YY1: variants seen among roughly 807,000 people sequenced by gnomAD.
YY1 encodes the protein YY1 transcription factor.
YY1 carries 2 observed loss-of-function variants against 35.6 expected under a neutral mutation model. That is an observed-to-expected ratio of 0.06 (90% CI 0.02 to 0.18). The LOEUF is 0.18. Among genes scored for constraint, YY1 ranks in the 10% least tolerant of loss-of-function variants. The pLI is 1.00. For synonymous variants in YY1, 268 were observed against 238.9 expected, an observed-to-expected ratio of 1.12 and a Z score of -1.12; for missense variants, 322 against 573.4, an observed-to-expected ratio of 0.56 and a Z score of 4.48.
chr14:100,251,960 G>A (rs1240874548), intron 1 of YY1, among the ~76,000 whole-genome samples: 1 of 152,198 alleles, frequency 6.6e-6, no homozygotes, highest in African/African-American at 2.4e-5. Flanking sequence ...ACCAGGCGAG[G>A]TTAAGAGTAG....
intron 1 of YY1, among the ~76,000 whole-genome samples, chr14:100,243,117 C>T (rs1164914565): frequency 1.3e-5 from 2 of 152,182 alleles, no homozygotes; most frequent in African/African-American, 4.8e-5. Flanking sequence ...ATGGATAACT[C>T]TGCATTTCCC....
chr14:100,279,109 T>C lies in YY1; in HGVS notation c.*1509T>C, dbSNP rs1300911185. ...TCTGCTCAATGAGTACCTCTCACAT[T>C]GTAACCTCTTAAATGTACGATTATA... On this transcript the variant is annotated 3_prime_UTR_variant, in exon 5 of 5. Transcript: ENST00000262238. 2.0e-5 allele frequency: 3 copies of C among 152,232 alleles called. No homozygotes were observed. The highest frequency in any genetic ancestry group is 4.8e-5 in the African/African-American group (2 of 41,450). The allele number at this position is 152,232 out of a possible 1,614,324, so 9.4% of individuals were successfully genotyped here. A position where few individuals can be genotyped will look rare whatever the true frequency, so the allele number is the denominator to read the frequency against.
At chr14:100,249,228 C>A (rs931534499) in intron 1 of YY1, among the ~76,000 whole-genome samples, 1 of 146,594 alleles carries the variant, frequency 6.8e-6, no homozygotes, top group East Asian at 2.1e-4. Flanking sequence ...TCAAGCGATT[C>A]TCCTGCCTCA....
rs112723009 is a variant in YY1 at position 100,239,324 on chromosome 14, A to T, written c.80A>T (p.Glu27Val). 3.7e-6 allele frequency: 6 copies of T among 1,604,670 alleles called. No individual in the cohort carries two copies. The highest frequency in any genetic ancestry group is 5.1e-6 in the Non-Finnish European group (6 of 1,176,386). The part of the protein sequence containing the change: ...PAEIVELHEI[E>V]VETIPVETIE... ...GAGATCGTGGAGCTGCACGAGATCG[A>T]GGTGGAGACCATCCCGGTGGAGACC... Residue 27 changes from glutamate (E) to valine (V), a missense_variant, in exon 1 of 5, where the codon GAG (glutamate) becomes GTG (valine). Transcript: ENST00000262238.
At position 100,282,180 on chromosome 14, in the gene YY1, A is replaced by T. The variant is rs1458110373; in HGVS notation, c.*4580A>T. ...CCCATGTCCCCCGCCAGCATTCTGG[A>T]TGTCAGAGGAGGGTGCGTGTGATGG... On this transcript the variant is annotated 3_prime_UTR_variant, in exon 5 of 5. Coordinates refer to ENST00000262238, the MANE Select transcript of YY1 (RefSeq NM_003403.5). 1.3e-5 allele frequency: 2 copies of T among 152,136 alleles called. No individual in the cohort carries two copies. Among genetic ancestry groups the T allele is most frequent in the African/African-American group, 4.8e-5 (2 of 41,420 alleles). The allele number at this position is 152,136 out of a possible 1,614,324, so 9.4% of individuals were successfully genotyped here.
chr14:100,255,477 AG>A (rs1890991256), intron 1 of YY1, among the ~76,000 whole-genome samples: 1 of 151,894 alleles, frequency 6.6e-6, no homozygotes, highest in Admixed American at 6.6e-5. Context: ...AAAATAGCTG[AG>A]CGTGGTGGTG....
intron 3 of YY1, among the ~76,000 whole-genome samples, chr14:100,275,540 C>G (rs1365389090): frequency 1.3e-5 from 2 of 152,172 alleles, no homozygotes; most frequent in African/African-American, 4.8e-5. Context: ...CCTATGCCAT[C>G]CCTTTAGCTT....
intron 1 of YY1, among the ~76,000 whole-genome samples, chr14:100,242,722 T>G (rs1032690781): frequency 1.3e-5 from 2 of 152,050 alleles, no homozygotes; most frequent in East Asian, 1.9e-4. Flanking sequence ...AGTTTGGGGT[T>G]GTTTTCACGT....
chr14:100,277,420 C>T lies in YY1; in HGVS notation c.1065C>T (p.Cys355=). ...LVHTGEKPFQ[C]TFEGCGKRFS... ...GATCTCTGGTCTTTCCTTGACAGTG[C>T]ACGTTCGAAGGCTGTGGGAAACGCT... is the stretch of plus-strand genomic sequence containing the variant. The change falls in exon 5 of 5, where the codon TGC becomes TGT. Residue 355 remains cysteine, a splice_region_variant and synonymous_variant. Coordinates refer to ENST00000262238, the MANE Select transcript of YY1 (RefSeq NM_003403.5). This position sits in a 1 kb window ranked among gnomAD's most constrained non-coding sequence, Gnocchi z 5.6. The T allele has an allele frequency of 6.2e-7, 1 of 1,614,220 alleles. No individual in the cohort carries two copies. The highest frequency in any genetic ancestry group is 8.5e-7 in the Non-Finnish European group (1 of 1,180,052).
chr14:100,246,583 C>T (rs533124183), intron 1 of YY1, among the ~76,000 whole-genome samples: 3 of 152,292 alleles, frequency 2.0e-5, no homozygotes, highest in African/African-American at 4.8e-5. Context: ...AATAGAGAAG[C>T]GGCTTGTGCT....
chr14:100,265,831 T>G (rs1396171834), intron 2 of YY1, among the ~76,000 whole-genome samples: 1 of 151,960 alleles, frequency 6.6e-6, no homozygotes, highest in Non-Finnish European at 1.5e-5. Context: ...GTATTTTTCA[T>G]AGAGACAAGG....
rs144885776 is a variant in YY1, at chr14:100,255,216, T to C, written c.680-7088T>C. On this transcript the variant is annotated intron_variant, in intron 1 of 4. Coordinates refer to ENST00000262238, the MANE Select transcript of YY1 (RefSeq NM_003403.5). The stretch of plus-strand genomic sequence containing the variant: ...GGAATAAGTCATAAATGTGATAACA[T>C]GTGTCTTAAATCTGTATCTTACGAG... Among the ~76,000 whole-genome samples the C allele has an allele frequency of 1.2e-3, 176 of 152,268 alleles. 1 individual carries two copies. The highest frequency in any genetic ancestry group is 3.9e-3 in the African/African-American group (161 of 41,540).
rs1296578182 is a variant in YY1 at position 100,278,803 on chromosome 14, T to C, written c.*1203T>C. On this transcript the variant is annotated 3_prime_UTR_variant, in exon 5 of 5. Coordinates refer to ENST00000262238, the MANE Select transcript of YY1 (RefSeq NM_003403.5). ...TGTACCACCGCGCAGGCTGAGCGCC[T>C]GCGCAGGGTAAGGTGCCACCTGGCA... is the stretch of plus-strand genomic sequence containing the variant. 1 of 152,224 alleles carries C rather than the reference T, an allele frequency of 6.6e-6. No individual in the cohort carries two copies. Among genetic ancestry groups the C allele is most frequent in the East Asian group, 1.9e-4 (1 of 5,194 alleles). The allele number at this position is 152,224 out of a possible 1,614,324, so 9.4% of individuals were successfully genotyped here.
intron 1 of YY1, among the ~76,000 whole-genome samples, chr14:100,245,781 A>G (rs1890823977): frequency 6.6e-6 from 1 of 151,522 alleles, no homozygotes; most frequent in South Asian, 2.1e-4. Flanking sequence ...TAATTTTTGT[A>G]TTTTTAATAG....
At chr14:100,273,125 C>T (rs1419671979) in intron 2 of YY1, among the ~76,000 whole-genome samples, 1 of 151,928 alleles carries the variant, frequency 6.6e-6, no homozygotes, top group Non-Finnish European at 1.5e-5. Flanking sequence ...CCACCACACC[C>T]GGCTAATTTT....
chr14:100,275,020 T>G (rs933065519), intron 3 of YY1, among the ~76,000 whole-genome samples: 3 of 152,192 alleles, frequency 2.0e-5, no homozygotes, highest in Non-Finnish European at 4.4e-5. Flanking sequence ...TCTTTTTGGA[T>G]TATATTAACA....
chr14:100,256,357 C>T (rs1444647725), intron 1 of YY1, among the ~76,000 whole-genome samples: 1 of 152,158 alleles, frequency 6.6e-6, no homozygotes, highest in Non-Finnish European at 1.5e-5. Context: ...CAAATGACAC[C>T]ACCATCTTCT....
chr14:100,281,616 A>G lies in YY1; in HGVS notation c.*4016A>G, dbSNP rs1435426927. The G allele has an allele frequency of 6.6e-6, 1 of 152,186 alleles. No homozygotes were observed. The highest frequency in any genetic ancestry group is 6.5e-5 in the Admixed American group (1 of 15,276). 9.4% of individuals were successfully genotyped at this position (152,186 alleles called of 1,614,324 possible). A position where few individuals can be genotyped will look rare whatever the true frequency, so the allele number is the denominator to read the frequency against. ...CACTTTCTTGGGGTTCTGGCCATGCACTTCTTAGCCTTCTCTCTGACTTTA... is the reference window on the plus strand; with the variant it reads ...CACTTTCTTGGGGTTCTGGCCATGCGCTTCTTAGCCTTCTCTCTGACTTTA... On this transcript the variant is annotated 3_prime_UTR_variant, in exon 5 of 5. Coordinates refer to ENST00000262238, the MANE Select transcript of YY1 (RefSeq NM_003403.5).
At chr14:100,256,935 C>A (rs559710136) in intron 1 of YY1, among the ~76,000 whole-genome samples, 1 of 151,624 alleles carries the variant, frequency 6.6e-6, no homozygotes, top group Non-Finnish European at 1.5e-5. Context: ...CTAGTTGATT[C>A]CTGATATAGG....
Sources: allele counts gnomAD v4.1 joint callset (sites outside exome capture counted in the v4.1 genomes callset), GRCh38; gene constraint gnomAD v4.1.1; non-coding constraint Gnocchi (gnomAD v3.1); transcripts MANE v1.5; gene names NCBI Gene and HGNC (gene_info 2026-07-23, HGNC 2026-07-21).